C20orf144: variants seen among roughly 807,000 people sequenced by gnomAD.
The protein encoded by C20orf144 is uncharacterized protein C20orf144.
A neutral mutation model predicts 3.8 loss-of-function variants in C20orf144; 8 were observed. That is an observed-to-expected ratio of 2.11 (90% CI 1.24 to 3.80). C20orf144 has a LOEUF of 3.80. Ranked by LOEUF, C20orf144 falls within the 30% of genes most tolerant of loss-of-function variation. The probability of loss-of-function intolerance (pLI) is 0.00; values close to 1 mark genes in which losing one functional copy is unlikely to be tolerated. For missense variants in C20orf144, 289 were observed against 224.5 expected (o/e 1.29, Z -1.83); for synonymous variants, 126 against 104.1 (o/e 1.21, Z -1.28).
intron 1 of C20orf144, 147 bp from the exon 2 acceptor site, chr20:33,663,385 C>G: frequency 1.1e-6 from 1 of 871,702 alleles, no homozygotes; most frequent in Non-Finnish European, 1.7e-6. Context: ...GGGGTCCCCT[C>G]CAGCCCTGTG....
rs762199165 is a variant in C20orf144, at chr20:33,663,595, A to G, written c.190A>G (p.Ile64Val). Residue 64 changes from isoleucine to valine, a missense_variant, in exon 2 of 2, where the codon ATT (isoleucine) becomes GTT (valine). Coordinates refer to ENST00000375222, the MANE Select transcript of C20orf144 (RefSeq NM_080825.4). Reference protein sequence around the residue: ...RQPLANAGQRIDYASGAGLGS... With the variant: ...RQPLANAGQRVDYASGAGLGS... ...GCCGCTGGCCAACGCTGGGCAACGGATTGACTACGCGTCCGGCGCTGGGCT... is the reference window on the plus strand; with the variant it reads ...GCCGCTGGCCAACGCTGGGCAACGGGTTGACTACGCGTCCGGCGCTGGGCT... 6.2e-7 allele frequency: 1 copy of G among 1,611,244 alleles called. No homozygotes were observed. The highest frequency in any genetic ancestry group is 1.7e-5 in the Admixed American group (1 of 60,004).
chr20:33,663,326 G>C, intron 1 of C20orf144: 1 of 575,734 alleles, frequency 1.7e-6, no homozygotes, highest in Non-Finnish European at 3.0e-6. Flanking sequence ...GGCGGAGTCC[G>C]GGGCGCCACG....
In C20orf144 at chr20:33,662,400, G is replaced by A. The variant is rs764012849; in HGVS notation, c.55G>A (p.Glu19Lys). Residue 19 changes from glutamate (E) to lysine (K), a missense_variant, in exon 1 of 2, where the codon GAG becomes AAG. Physicochemically the swap from Glu to Lys is moderately conservative, Grantham distance 56. Transcript: ENST00000375222. ...CAAAGCACCCAAGCAGGCCCGCAAGGAGAGGCCGGCTGACATGGACAAGGC... is the reference window on the plus strand; with the variant it reads ...CAAAGCACCCAAGCAGGCCCGCAAGAAGAGGCCGGCTGACATGGACAAGGC... ...RTKAPKQARKERPADMDKAWW... is the reference protein window; with the variant it reads ...RTKAPKQARKKRPADMDKAWW... 9 of 1,551,510 alleles carry A rather than the reference G, an allele frequency of 5.8e-6. No individual in the cohort carries two copies. Among genetic ancestry groups the A allele is most frequent in the Non-Finnish European group, 7.8e-6 (9 of 1,147,126 alleles).
intron 1 of C20orf144, 162 bp from the exon 2 acceptor site, chr20:33,663,370 G>C (rs2017542091): frequency 1.4e-6 from 1 of 721,554 alleles, no homozygotes; most frequent in Non-Finnish European, 2.2e-6. Context: ...GGCCTGAATT[G>C]GACAGGGGTC....
chr20:33,663,465 A>C, intron 1 of C20orf144, 67 bp from the exon 2 acceptor site: 1 of 1,504,708 alleles, frequency 6.6e-7, no homozygotes, highest in Non-Finnish European at 8.9e-7. Context: ...AGAAGCGCGG[A>C]GCGGCCCCGG....
intron 1 of C20orf144, 93 bp from the exon 2 acceptor site, chr20:33,663,439 G>C: frequency 7.4e-7 from 1 of 1,352,118 alleles, no homozygotes; most frequent in African/African-American, 1.6e-5. Flanking sequence ...GGACCCGGGT[G>C]GACGAGGGTC....
intron 1 of C20orf144, chr20:33,662,686 T>C (rs1016649099): frequency 3.6e-6 from 2 of 557,518 alleles, no homozygotes; most frequent in African/African-American, 3.8e-5. Flanking sequence ...ACGCCTGTAA[T>C]CCCAACACGT....
In C20orf144 at chr20:33,663,851, C is replaced by A; in HGVS notation, c.446C>A (p.Pro149His). The change falls in exon 2 of 2, where the codon CCT becomes CAT. Residue 149 changes from proline (P) to histidine (H), a missense_variant. Physicochemically the swap from Pro to His is moderately conservative, Grantham distance 77. Transcript: ENST00000375222. ...CAGCCGCGCAAACGGTGCCGCTGCC[C>A]TCGCCCGCAGCTTTAAACGCTTGGC... ...EEQPRKRCRC[P>H]RPQL is the part of the protein sequence containing the mutation. The A allele has an allele frequency of 7.1e-7, 1 of 1,404,304 alleles. No individual in the cohort carries two copies. Among genetic ancestry groups the A allele is most frequent in the South Asian group, 1.5e-5 (1 of 65,094 alleles). 87.0% of individuals were successfully genotyped at this position (1,404,304 alleles called of 1,614,324 possible).
chr20:33,663,683 T>C lies in C20orf144; in HGVS notation c.278T>C (p.Met93Thr), dbSNP rs755043465. The change falls in exon 2 of 2, where the codon ATG (methionine) becomes ACG (threonine). Residue 93 changes from methionine (M) to threonine (T), a missense_variant. Coordinates refer to ENST00000375222, the MANE Select transcript of C20orf144 (RefSeq NM_080825.4). ...GAAGGTAGCGAGCGCGAGCCGAGGA[T>C]GCCGGTACTGCTGCTGCTGCGGCGG... is the stretch of plus-strand genomic sequence containing the variant. ...AGEGSEREPR[M>T]PVLLLLRRQE... The C allele has an allele frequency of 3.2e-6, 5 of 1,585,364 alleles. No individual in the cohort carries two copies. The highest frequency in any genetic ancestry group is 2.3e-5 in the East Asian group (1 of 43,492).
At position 33,663,749 on chromosome 20, in the gene C20orf144, C is replaced by A; in HGVS notation, c.344C>A (p.Ala115Asp). ...CCGGAAGAGGGCGGGGCCAGGGCAG[C>A]TCTGAGCTGGCCGCGGCTGCTCTCG... ...RRPEEGGARA[A>D]LSWPRLLSRF... Residue 115 changes from alanine to aspartate, a missense_variant, in exon 2 of 2, where the codon GCT becomes GAT. Ala to Asp is a moderately radical substitution (Grantham distance 126, BLOSUM62 -2). Transcript: ENST00000375222. The A allele has an allele frequency of 6.7e-7, 1 of 1,493,998 alleles. No individual in the cohort carries two copies. The highest frequency in any genetic ancestry group is 1.3e-5 in the South Asian group (1 of 78,830). 92.5% of individuals were successfully genotyped at this position (1,493,998 alleles called of 1,614,324 possible).
In C20orf144 at chr20:33,663,879, G is replaced by C. The variant is rs530434940; in HGVS notation, c.*12G>C. The C allele has an allele frequency of 7.2e-7, 1 of 1,383,332 alleles. No individual in the cohort carries two copies. The highest frequency in any genetic ancestry group is 1.5e-5 in the African/African-American group (1 of 65,212). The allele number at this position is 1,383,332 out of a possible 1,614,324, so 85.7% of individuals were successfully genotyped here. The stretch of plus-strand genomic sequence containing the variant: ...GCCCGCAGCTTTAAACGCTTGGCCC[G>C]GACCCCGCCCAATAAAGAGTGCGTG... On this transcript the variant is annotated 3_prime_UTR_variant, in exon 2 of 2. Coordinates refer to ENST00000375222, the MANE Select transcript of C20orf144 (RefSeq NM_080825.4).
Position 33,662,644 on chromosome 20 carries a change from G to A in C20orf144, c.126+173G>A, listed in dbSNP as rs1395211396. ...GGATGAGGATCCCAGGAGCCCATAT[G>A]GGTGTGGATGGGGGTCCTTTCAAGG... On this transcript the variant is annotated intron_variant, in intron 1 of 1. Transcript: ENST00000375222. 25 of 732,528 alleles carry A rather than the reference G, an allele frequency of 3.4e-5. No individual in the cohort carries two copies. In the East Asian group the frequency reaches 5.9e-4, roughly 17 times the overall value. The allele number at this position is 732,528 out of a possible 1,614,324, so 45.4% of individuals were successfully genotyped here.
In C20orf144 at chr20:33,663,758, G is replaced by T; in HGVS notation, c.353G>T (p.Trp118Leu). 2.1e-6 allele frequency: 3 copies of T among 1,461,094 alleles called. No individual in the cohort carries two copies. Among genetic ancestry groups the T allele is most frequent in the Non-Finnish European group, 2.7e-6 (3 of 1,114,862 alleles). 90.5% of individuals were successfully genotyped at this position (1,461,094 alleles called of 1,614,324 possible). Residue 118 changes from tryptophan (W) to leucine (L), a missense_variant, in exon 2 of 2, where the codon TGG becomes TTG. Coordinates refer to ENST00000375222, the MANE Select transcript of C20orf144 (RefSeq NM_080825.4). ...GGCGGGGCCAGGGCAGCTCTGAGCTGGCCGCGGCTGCTCTCGCGCTTCCGG... is the reference window on the plus strand; with the variant it reads ...GGCGGGGCCAGGGCAGCTCTGAGCTTGCCGCGGCTGCTCTCGCGCTTCCGG... Reference protein sequence around the residue: ...EEGGARAALSWPRLLSRFRSP... With the variant: ...EEGGARAALSLPRLLSRFRSP...
chr20:33,663,318 C>A, intron 1 of C20orf144: 1 of 570,356 alleles, frequency 1.8e-6, no homozygotes, highest in South Asian at 2.2e-5. Flanking sequence ...AGAAAGGAGG[C>A]GGAGTCCGGG....
Position 33,663,706 on chromosome 20 carries a change from C to A in C20orf144, c.301C>A (p.Arg101=). 1 of 1,538,090 alleles carries A rather than the reference C, an allele frequency of 6.5e-7. No individual in the cohort carries two copies. Among genetic ancestry groups the A allele is most frequent in the South Asian group, 1.2e-5 (1 of 86,438 alleles). Residue 101 remains arginine, a synonymous_variant, in exon 2 of 2, where the codon CGG becomes AGG. Coordinates refer to ENST00000375222, the MANE Select transcript of C20orf144 (RefSeq NM_080825.4). ...PRMPVLLLLR[R]QEARRPEEGG... ...GATGCCGGTACTGCTGCTGCTGCGGCGGCAAGAGGCGCGGCGGCCGGAAGA... is the reference window on the plus strand; with the variant it reads ...GATGCCGGTACTGCTGCTGCTGCGGAGGCAAGAGGCGCGGCGGCCGGAAGA...
intron 1 of C20orf144, chr20:33,662,709 G>A (rs2011303517): frequency 2.0e-6 from 1 of 491,966 alleles, no homozygotes; most frequent in Admixed American, 3.6e-5. Context: ...GTAGGCCAAG[G>A]TGGGTGGATA....
intron 1 of C20orf144, among the ~76,000 whole-genome samples, chr20:33,663,055 C>A (rs926756414): frequency 2.6e-4 from 40 of 152,168 alleles, no homozygotes; most frequent in African/African-American, 9.4e-4. Flanking sequence ...CCTGGACGAA[C>A]GGGTGGAGAT....
chr20:33,663,525 C>T lies in C20orf144; in HGVS notation c.127-7C>T. On this transcript the variant is annotated splice_polypyrimidine_tract_variant and splice_region_variant and intron_variant, in intron 1 of 1. Coordinates refer to ENST00000375222, the MANE Select transcript of C20orf144 (RefSeq NM_080825.4). ...TCTCCCGCCTCACGCCCCTGTTCCA[C>T]CCCCAGACCAGGATCGTGCTGATTC... 2 of 1,607,546 alleles carry T rather than the reference C, an allele frequency of 1.2e-6. No individual in the cohort carries two copies. The highest frequency in any genetic ancestry group is 1.1e-5 in the South Asian group (1 of 90,982).
chr20:33,663,805 G>T lies in C20orf144; in HGVS notation c.400G>T (p.Glu134Ter). ...RFRSPGKAPREAGPAEEQPRK... is the reference protein window; with the variant it reads ...RFRSPGKAPR ...CCGGTCCCCGGGGAAGGCTCCCCGC[G>T]AAGCCGGCCCCGCCGAGGAGCAGCC... Residue 134 changes from glutamate (E) to a stop codon, truncating the protein, a stop_gained, in exon 2 of 2, where the codon GAA becomes TAA. Coordinates refer to ENST00000375222, the MANE Select transcript of C20orf144 (RefSeq NM_080825.4). LOFTEE classifies it low-confidence loss of function (END_TRUNC). The T allele has an allele frequency of 7.2e-7, 1 of 1,397,090 alleles. No individual in the cohort carries two copies. Among genetic ancestry groups the T allele is most frequent in the Non-Finnish European group, 9.2e-7 (1 of 1,084,492 alleles). 86.5% of individuals were successfully genotyped at this position (1,397,090 alleles called of 1,614,324 possible).
Sources: gnomAD v4.1 joint callset for allele counts (sites outside exome capture counted in the v4.1 genomes callset) on GRCh38, gnomAD v4.1.1 for gene constraint, MANE v1.5 for transcripts, NCBI Gene and HGNC (gene_info 2026-07-23, HGNC 2026-07-21) for gene names.